Variants in SP110 observed in about 807,000 individuals in gnomAD.
SP110 encodes interferon-induced protein 41, 30kD.
SP110 carries 62 observed loss-of-function variants against 92.7 expected under a neutral mutation model. That is an observed-to-expected ratio of 0.67 (90% CI 0.55 to 0.83). SP110 has a LOEUF of 0.83. Ranked by LOEUF, SP110 falls within the 40% of genes least tolerant of loss-of-function variation. The pLI, the probability that SP110 is intolerant of heterozygous loss-of-function variation, is 0.00. For synonymous variants in SP110, 273 were observed against 305.3 expected, an observed-to-expected ratio of 0.89 and a Z score of 1.10; for missense variants, 793 against 863.9, an observed-to-expected ratio of 0.92 and a Z score of 1.03.
chr2:230,211,921 C>T lies in SP110; in HGVS notation c.668-368G>A, dbSNP rs995428909. Among the ~76,000 whole-genome samples, 1 of 152,118 alleles carries T rather than the reference C, an allele frequency of 6.6e-6. No individual in the cohort carries two copies. Among genetic ancestry groups the T allele is most frequent in the African/African-American group, 2.4e-5 (1 of 41,398 alleles). On this transcript the variant is annotated intron_variant, in intron 5 of 18. Coordinates refer to ENST00000258381, the MANE Select transcript of SP110 (RefSeq NM_080424.4). The surrounding 1 kb of genome is among the most constrained non-coding windows in gnomAD (Gnocchi z 4.2). ...TCTTACGTTTAATGTAATCAAACTC[C>T]ATTATGATGATGGTTTGGGGAGGAC...
At chr2:230,190,185 T>C (rs2042548110) in intron 10 of SP110, among the ~76,000 whole-genome samples, 1 of 152,244 alleles carries the variant, frequency 6.6e-6, no homozygotes, top group Admixed American at 6.5e-5. Flanking sequence ...GTAAAAGTAT[T>C]CCTATTTCTC....
intron 11 of SP110, 141 bp downstream of exon 11, chr2:230,185,853 G>A (rs2114591): frequency 0.45 from 368,006 of 809,788 alleles, 86,721 homozygotes; most frequent in East Asian, 0.7. Flanking sequence ...CAACAGATCC[G>A]TGCTCTGTCT....
At position 230,166,346 on chromosome 2, in the gene SP110, C is replaced by CT. The variant is rs1302913611; in HGVS notation, c.*2777dup. Among the ~76,000 whole-genome samples, 33 of 152,318 alleles carry CT rather than the reference C, an allele frequency of 2.2e-4. No homozygotes were observed. The highest frequency in any genetic ancestry group is 4.1e-4 in the Non-Finnish European group (28 of 68,034). ...GTTACCACTGTCTCTCCAGTGAACT[C>CT]TGGGTCACACACTTTTGGTTAATTT... On this transcript the variant is annotated 3_prime_UTR_variant, in exon 19 of 19. Transcript: ENST00000258381.
intron 9 of SP110, 135 bp downstream of exon 9, chr2:230,202,444 T>G: frequency 1.3e-6 from 1 of 791,354 alleles, no homozygotes; most frequent in Non-Finnish European, 2.1e-6. Flanking sequence ...GTTCCTCTTG[T>G]TATACCCCAT....
At chr2:230,212,202 G>A (rs1382493720) in intron 5 of SP110, 145 bp downstream of exon 5, 2 of 703,398 alleles carry the variant, frequency 2.8e-6, no homozygotes, top group Non-Finnish European at 2.6e-6. Flanking sequence ...TGCTGCGTTG[G>A]TGAATTGGCC....
At chr2:230,223,334 C>G (rs2148990284), upstream of SP110, among the ~76,000 whole-genome samples, 1 of 152,260 alleles carries the variant, frequency 6.6e-6, no homozygotes, top group South Asian at 2.1e-4. Flanking sequence ...CATGCCCAGC[C>G]CAGTCTGACA....
At chr2:230,209,840 T>TG in intron 7 of SP110, 91 bp downstream of exon 7, 2 of 812,002 alleles carry the variant, frequency 2.5e-6, no homozygotes. Context: ...TGTGGTCACA[T>TG]AGTGGTGCTC....
chr2:230,224,837 C>G (rs2046141747), upstream of SP110, among the ~76,000 whole-genome samples: 1 of 152,118 alleles, frequency 6.6e-6, no homozygotes, highest in Non-Finnish European at 1.5e-5. Flanking sequence ...CTCATCAGCC[C>G]CCTGTCTTTG....
Position 230,212,912 on chromosome 2 carries a change from G to T in SP110, c.432C>A (p.Pro144=). The T allele has an allele frequency of 6.2e-7, 1 of 1,614,056 alleles. No individual in the cohort carries two copies. Among genetic ancestry groups the T allele is most frequent in the Non-Finnish European group, 8.5e-7 (1 of 1,180,014 alleles). The part of the protein sequence containing the change: ...HTPLALPPPQ[P]PQPSCSPCAP... ...CACAGGGTGAACAGCTTGGTTGAGG[G>T]GGTTGTGGTGGGGGCAGCGCCAGTG... The change falls in exon 4 of 19, where the codon CCC becomes CCA. Residue 144 remains proline, a synonymous_variant. Transcript: ENST00000258381.
chr2:230,172,617 G>A (rs975248328), intron 15 of SP110: 2 of 566,406 alleles, frequency 3.5e-6, no homozygotes, highest in African/African-American at 1.9e-5. Flanking sequence ...CTTTTGGACA[G>A]GAGTCCCTGC....
upstream of SP110, among the ~76,000 whole-genome samples, chr2:230,224,470 G>GGAGGGAGAGA (rs1559195774): frequency 5.6e-5 from 8 of 141,946 alleles, no homozygotes; most frequent in Admixed American, 2.1e-4. Flanking sequence ...GGAGGGAGAG[G>GGAGGGAGAGA]GAGGGAGAGA....
intron 12 of SP110, 125 bp downstream of exon 12, chr2:230,183,447 C>T: frequency 1.3e-6 from 1 of 776,460 alleles, no homozygotes; most frequent in Non-Finnish European, 2.3e-6. Flanking sequence ...AGCTGGTACC[C>T]ATGACGGTGG....
chr2:230,179,724 T>A (rs1160303900), intron 12 of SP110, among the ~76,000 whole-genome samples: 1 of 151,900 alleles, frequency 6.6e-6, no homozygotes, highest in Non-Finnish European at 1.5e-5. Context: ...CACAGAAATG[T>A]CTTCTCTAAT....
chr2:230,222,404 G>T (rs956765130), upstream of SP110, among the ~76,000 whole-genome samples: 13 of 151,986 alleles, frequency 8.6e-5, no homozygotes, highest in African/African-American at 2.9e-4. Flanking sequence ...ACCAAATGTA[G>T]TTACTACACC....
Position 230,209,977 on chromosome 2 carries a change from G to A in SP110, c.783C>T (p.Asp261=). The change falls in exon 7 of 19, where the codon GAC becomes GAT. Residue 261 remains aspartate (D), a synonymous_variant. Transcript: ENST00000258381. The part of the protein sequence containing the change: ...EIRDNSPEPN[D]PEEPQEVSST... The stretch of plus-strand genomic sequence containing the variant: ...TGGACACCTCCTGGGGCTCTTCTGG[G>A]TCATTTGGTTCTGGAGAATTATCTC... 2 of 1,609,208 alleles carry A rather than the reference G, an allele frequency of 1.2e-6. No individual in the cohort carries two copies. Among genetic ancestry groups the A allele is most frequent in the Non-Finnish European group, 1.7e-6 (2 of 1,175,508 alleles).
At chr2:230,178,612 G>A (rs2041976005) in intron 12 of SP110, among the ~76,000 whole-genome samples, 2 of 152,114 alleles carry the variant, frequency 1.3e-5, no homozygotes, top group African/African-American at 4.8e-5. Flanking sequence ...TTGCATTCAT[G>A]TTGCCAGAGG....
intron 12 of SP110, among the ~76,000 whole-genome samples, chr2:230,180,303 C>G (rs2042072699): frequency 6.6e-6 from 1 of 152,144 alleles, no homozygotes. Context: ...AGAAGACCAA[C>G]TCCAGGAATT....
At chr2:230,188,843 G>A (rs2042478513) in intron 10 of SP110, among the ~76,000 whole-genome samples, 1 of 152,066 alleles carries the variant, frequency 6.6e-6, no homozygotes, top group Non-Finnish European at 1.5e-5. Flanking sequence ...TGATCATGGT[G>A]TATTATATTT....
At chr2:230,179,001 T>C (rs1045612708) in intron 12 of SP110, among the ~76,000 whole-genome samples, 1 of 152,172 alleles carries the variant, frequency 6.6e-6, no homozygotes, top group Admixed American at 6.5e-5. Flanking sequence ...ATGAAGGGGC[T>C]GTCCATGTCT....
Sources: allele counts gnomAD v4.1 joint callset (sites outside exome capture counted in the v4.1 genomes callset), GRCh38; gene constraint gnomAD v4.1.1; non-coding constraint Gnocchi (gnomAD v3.1); transcripts MANE v1.5; gene names NCBI Gene and HGNC (gene_info 2026-07-23, HGNC 2026-07-21).